Variants in NR2F1-AS1 observed in about 807,000 individuals in gnomAD.
NR2F1-AS1 encodes NR2F1 regulatory antisense RNA 1.
chr5:93,431,421 A>C (rs1749322513), intron 4 of NR2F1-AS1, among the ~76,000 whole-genome samples: 1 of 152,228 alleles, frequency 6.6e-6, no homozygotes, highest in Non-Finnish European at 1.5e-5. Context: ...GATTATCCAC[A>C]GATATTTTAA....
intron 4 of NR2F1-AS1, among the ~76,000 whole-genome samples, chr5:93,518,446 T>C (rs941772021): frequency 6.6e-6 from 1 of 152,224 alleles, no homozygotes; most frequent in South Asian, 2.1e-4. Flanking sequence ...ATTCTTTCAA[T>C]AACCCTTTCA....
intron 4 of NR2F1-AS1, among the ~76,000 whole-genome samples, chr5:93,525,521 T>A (rs1751593654): frequency 6.6e-6 from 1 of 152,218 alleles, no homozygotes; most frequent in Non-Finnish European, 1.5e-5. Flanking sequence ...AATAGACATC[T>A]ACACAACTCT....
chr5:93,418,275 G>A (rs1024623625), intron 4 of NR2F1-AS1, among the ~76,000 whole-genome samples: 36 of 152,214 alleles, frequency 2.4e-4, no homozygotes, highest in Non-Finnish European at 4.6e-4. Flanking sequence ...CACCCAGAGT[G>A]AACTAATCTC....
intron 4 of NR2F1-AS1, among the ~76,000 whole-genome samples, chr5:93,458,007 C>T (rs551449916): frequency 3.3e-5 from 5 of 152,272 alleles, no homozygotes; most frequent in South Asian, 2.1e-4. Flanking sequence ...TCCTCAGTGA[C>T]GACGCTTGAG....
At chr5:93,473,523 T>C (rs1278336396) in intron 4 of NR2F1-AS1, among the ~76,000 whole-genome samples, 2 of 151,858 alleles carry the variant, frequency 1.3e-5, no homozygotes, top group South Asian at 2.1e-4. Flanking sequence ...ACTCCAAGAT[T>C]TCAATTATTA....
chr5:93,540,620 A>G (rs1410153805), intron 4 of NR2F1-AS1, among the ~76,000 whole-genome samples: 3 of 152,202 alleles, frequency 2.0e-5, no homozygotes, highest in Non-Finnish European at 4.4e-5. Flanking sequence ...GATTTTTGAC[A>G]CTTAATTCAA....
At chr5:93,533,551 T>C (rs1458510488) in intron 4 of NR2F1-AS1, among the ~76,000 whole-genome samples, 1 of 152,096 alleles carries the variant, frequency 6.6e-6, no homozygotes, top group Non-Finnish European at 1.5e-5. Context: ...AGCCACTAGA[T>C]AAATGGTAAA....
At chr5:93,419,859 G>A (rs1410532476) in intron 4 of NR2F1-AS1, among the ~76,000 whole-genome samples, 1 of 152,144 alleles carries the variant, frequency 6.6e-6, no homozygotes, top group Non-Finnish European at 1.5e-5. Context: ...GGAGGAGGTA[G>A]CTTAGTCTGA....
upstream of NR2F1-AS1, chr5:93,583,405 TC>T (rs1753163194): frequency 6.6e-6 from 1 of 150,746 alleles, no homozygotes; most frequent in South Asian, 2.1e-4. Context: ...CTCTTCTCTT[TC>T]TCTTTTCTTA....
At chr5:93,546,192 AATT>A (rs1220499203) in intron 4 of NR2F1-AS1, among the ~76,000 whole-genome samples, 3 of 152,202 alleles carry the variant, frequency 2.0e-5, no homozygotes, top group Non-Finnish European at 4.4e-5. Flanking sequence ...TAACCGAAAG[AATT>A]ATTATTACTA....
chr5:93,445,068 T>C (rs998559108), intron 4 of NR2F1-AS1, among the ~76,000 whole-genome samples: 1 of 152,194 alleles, frequency 6.6e-6, no homozygotes, highest in African/African-American at 2.4e-5. Context: ...GAGGGAAAAT[T>C]ATATCACTAA....
intron 4 of NR2F1-AS1, among the ~76,000 whole-genome samples, chr5:93,530,604 A>C (rs1293805273): frequency 6.6e-6 from 1 of 152,176 alleles, no homozygotes; most frequent in Non-Finnish European, 1.5e-5. Context: ...TAAACAAGGG[A>C]ATACAGTGCT....
At chr5:93,459,432 A>G (rs866148204) in intron 4 of NR2F1-AS1, among the ~76,000 whole-genome samples, 1 of 152,200 alleles carries the variant, frequency 6.6e-6, no homozygotes, top group Non-Finnish European at 1.5e-5. Flanking sequence ...TTAATACCAA[A>G]TGATAAGACT....
intron 4 of NR2F1-AS1, among the ~76,000 whole-genome samples, chr5:93,531,748 G>A (rs1353632530): frequency 1.2e-4 from 18 of 152,154 alleles, no homozygotes; most frequent in South Asian, 4.1e-4. Flanking sequence ...GACCAAGATC[G>A]AAGTTATAAC....
At chr5:93,450,073 G>A (rs1445367315) in intron 4 of NR2F1-AS1, among the ~76,000 whole-genome samples, 2 of 152,144 alleles carry the variant, frequency 1.3e-5, no homozygotes, top group African/African-American at 2.4e-5. Flanking sequence ...AACCTGTTAA[G>A]CACCTTCTGA....
chr5:93,422,216 C>G (rs1437406798), intron 4 of NR2F1-AS1: 1 of 152,274 alleles, frequency 6.6e-6, no homozygotes, highest in Non-Finnish European at 1.5e-5. Flanking sequence ...AAATTAGCAA[C>G]GACCCCCTAT....
chr5:93,482,055 A>T (rs867353620), intron 4 of NR2F1-AS1, among the ~76,000 whole-genome samples: 49 of 152,294 alleles, frequency 3.2e-4, no homozygotes, highest in African/African-American at 1.1e-3. Context: ...AGATTAGAGA[A>T]AAGATAAAAC....
At chr5:93,583,332 TCTCTC>T (rs1753160578), upstream of NR2F1-AS1, 1 of 150,990 alleles carries the variant, frequency 6.6e-6, no homozygotes, top group African/African-American at 2.4e-5. Context: ...CTCCTCTCTC[TCTCTC>T]CTCTTTCTCC....
chr5:93,511,882 C>G (rs1751302090), intron 4 of NR2F1-AS1, among the ~76,000 whole-genome samples: 2 of 152,268 alleles, frequency 1.3e-5, no homozygotes, highest in African/African-American at 4.8e-5. Context: ...ATCTCAAAAC[C>G]ATGCCCCATC....
Sources: allele counts gnomAD v4.1 joint callset (sites outside exome capture counted in the v4.1 genomes callset), GRCh38; gene constraint gnomAD v4.1.1; transcripts MANE v1.5; gene names NCBI Gene and HGNC (gene_info 2026-07-23, HGNC 2026-07-21).